Variants in DNAAF11 observed in about 807,000 individuals in gnomAD.
DNAAF11 encodes the protein dynein axonemal assembly factor 11, also known as leucine rich repeat containing 6.
DNAAF11 carries 45 observed loss-of-function variants against 60.8 expected under a neutral mutation model. That is an observed-to-expected ratio of 0.74 (90% CI 0.58 to 0.95). The LOEUF (loss-of-function observed/expected upper bound fraction) is 0.95. Among genes scored for constraint, DNAAF11 ranks in the 40% least tolerant of loss-of-function variants. The pLI, the probability that DNAAF11 is intolerant of heterozygous loss-of-function variation, is 0.00. For synonymous variants in DNAAF11, 191 were observed against 183.5 expected (o/e 1.04, Z -0.33); for missense variants, 546 against 546.2 (o/e 1.00, Z 0.00).
chr8:132,648,599 A>G (rs550845109), intron 3 of DNAAF11, among the ~76,000 whole-genome samples: 3 of 152,362 alleles, frequency 2.0e-5, no homozygotes, highest in East Asian at 1.9e-4. Flanking sequence ...ATGATTGTAT[A>G]TTTAGAAAAC....
intron 10 of DNAAF11, among the ~76,000 whole-genome samples, chr8:132,589,203 T>C (rs142096669): frequency 1.5e-3 from 229 of 152,210 alleles, no homozygotes; most frequent in Admixed American, 5.2e-3. Context: ...ATGTAGTAGA[T>C]AAGGAATATT....
chr8:132,589,310 G>A (rs1292582797), intron 10 of DNAAF11, among the ~76,000 whole-genome samples: 1 of 152,132 alleles, frequency 6.6e-6, no homozygotes, highest in Non-Finnish European at 1.5e-5. Context: ...AGAGAAGGCT[G>A]AAAAACAGAC....
intron 11 of DNAAF11, among the ~76,000 whole-genome samples, chr8:132,581,661 CAAAAAAAAAAAAA>C (rs59380140): frequency 3.6e-5 from 3 of 83,006 alleles, no homozygotes; most frequent in African/African-American, 4.7e-5. Flanking sequence ...GACTCTGCCT[CAAAAAAAAAAAAA>C]AAAAAAAAAG....
intron 11 of DNAAF11, among the ~76,000 whole-genome samples, chr8:132,579,849 T>C (rs923974065): frequency 2.0e-5 from 3 of 151,914 alleles, no homozygotes; most frequent in African/African-American, 7.3e-5. Flanking sequence ...ACCAAAAAAT[T>C]AGCTGGGCGT....
At chr8:132,594,111 G>T (rs1816747767) in intron 10 of DNAAF11, among the ~76,000 whole-genome samples, 1 of 152,056 alleles carries the variant, frequency 6.6e-6, no homozygotes, top group African/African-American at 2.4e-5. Flanking sequence ...TGACTGGCTG[G>T]CTGACAGAAA....
chr8:132,643,035 C>T (rs1822012564), intron 3 of DNAAF11, among the ~76,000 whole-genome samples: 1 of 152,194 alleles, frequency 6.6e-6, no homozygotes, highest in South Asian at 2.1e-4. Flanking sequence ...ACCTACATCC[C>T]TCGCAAGATC....
intron 5 of DNAAF11, among the ~76,000 whole-genome samples, chr8:132,626,579 C>A (rs566113389): frequency 6.6e-6 from 1 of 152,128 alleles, no homozygotes; most frequent in Admixed American, 6.5e-5. Flanking sequence ...TTCTGTTGTG[C>A]CAGGCACCAG....
At chr8:132,602,264 T>C (rs994749828) in intron 10 of DNAAF11, among the ~76,000 whole-genome samples, 1 of 152,160 alleles carries the variant, frequency 6.6e-6, no homozygotes, top group African/African-American at 2.4e-5. Context: ...CCTCCTAACA[T>C]AATCAGCATC....
intron 3 of DNAAF11, among the ~76,000 whole-genome samples, chr8:132,642,422 G>A (rs1394132162): frequency 1.3e-5 from 2 of 152,228 alleles, no homozygotes; most frequent in Admixed American, 1.3e-4. Flanking sequence ...CCTTCTCTCT[G>A]CATTGGGGCT....
At chr8:132,602,388 G>A (rs868447730) in intron 10 of DNAAF11, among the ~76,000 whole-genome samples, 1 of 152,040 alleles carries the variant, frequency 6.6e-6, no homozygotes, top group Non-Finnish European at 1.5e-5. Flanking sequence ...TTGTGCTGAG[G>A]TATGTGTTTA....
chr8:132,674,009 G>T (rs1279634984), intron 1 of DNAAF11, among the ~76,000 whole-genome samples: 1 of 152,038 alleles, frequency 6.6e-6, no homozygotes, highest in Non-Finnish European at 1.5e-5. Context: ...AGAAGGAGAA[G>T]GAGAAGGAGG....
chr8:132,613,528 A>G (rs1184675697), intron 8 of DNAAF11, among the ~76,000 whole-genome samples: 3 of 152,132 alleles, frequency 2.0e-5, no homozygotes, highest in African/African-American at 7.2e-5. Flanking sequence ...GAAGACAGAG[A>G]ATGGGCAGTG....
chr8:132,687,593 T>A, the DNAAF11 span: 1 of 456,172 alleles, frequency 2.2e-6, no homozygotes, highest in Non-Finnish European at 4.4e-6. Flanking sequence ...CACCAGGTGC[T>A]GCAAGCTTCC....
At chr8:132,597,427 T>C (rs569563202) in intron 10 of DNAAF11, among the ~76,000 whole-genome samples, 19 of 152,304 alleles carry the variant, frequency 1.2e-4, no homozygotes, top group African/African-American at 4.3e-4. Context: ...AGGTCAGCTG[T>C]GCAGGGAGCT....
intron 9 of DNAAF11, among the ~76,000 whole-genome samples, 158 bp downstream of exon 9, chr8:132,611,136 C>T (rs1398145629): frequency 1.3e-5 from 2 of 152,176 alleles, no homozygotes; most frequent in East Asian, 1.9e-4. Flanking sequence ...TCAGGTGATC[C>T]GCCCGCCTTG....
At chr8:132,650,424 G>A (rs1289727939) in intron 3 of DNAAF11, among the ~76,000 whole-genome samples, 1 of 152,112 alleles carries the variant, frequency 6.6e-6, no homozygotes, top group African/African-American at 2.4e-5. Context: ...TGTAAATGAT[G>A]AGTTAATGGG....
chr8:132,631,530 C>CATGAT (rs1282330836), intron 5 of DNAAF11, among the ~76,000 whole-genome samples: 3 of 152,118 alleles, frequency 2.0e-5, no homozygotes, highest in Non-Finnish European at 2.9e-5. Flanking sequence ...TCATGCTAAA[C>CATGAT]ACACATACTC....
At chr8:132,645,486 G>T (rs1563676658) in intron 3 of DNAAF11, among the ~76,000 whole-genome samples, 1 of 152,202 alleles carries the variant, frequency 6.6e-6, no homozygotes, top group Non-Finnish European at 1.5e-5. Context: ...GACGGAGAAT[G>T]ACTTTAGGCA....
chr8:132,632,840 C>G lies in DNAAF11; in HGVS notation c.553G>C (p.Glu185Gln), dbSNP rs941424900. ...DHCLKRAKLK[E>Q]EAQRKHQEED... is the part of the protein sequence containing the mutation. ...TCTTGGTGTTTCCTCTGAGCCTCTT[C>G]CTTGAGTTTGGCTCGTTTAAGACAG... Residue 185 changes from glutamate to glutamine, a missense_variant, in exon 5 of 12, where the codon GAA becomes CAA. Physicochemically the swap from Glu to Gln is conservative, Grantham distance 29 (BLOSUM62 2). Transcript: ENST00000620350. The G allele has an allele frequency of 6.2e-7, 1 of 1,613,704 alleles. No individual in the cohort carries two copies. Among genetic ancestry groups the G allele is most frequent in the African/African-American group, 1.3e-5 (1 of 75,020 alleles).
Sources: allele counts gnomAD v4.1 joint callset (sites outside exome capture counted in the v4.1 genomes callset), GRCh38; gene constraint gnomAD v4.1.1; transcripts MANE v1.5; gene names NCBI Gene and HGNC (gene_info 2026-07-23, HGNC 2026-07-21).